Variants in SLC24A2 observed in about 807,000 individuals in gnomAD.
SLC24A2 encodes the protein solute carrier family 24 member 2, also known as sodium/potassium/calcium exchanger 2.
In SLC24A2, 36 loss-of-function variants were observed where a neutral mutation model predicts 62.0. The ratio of observed to expected loss-of-function variants is 0.58; its 90% confidence interval spans 0.44 to 0.77. The LOEUF (loss-of-function observed/expected upper bound fraction) is 0.77. SLC24A2 is among the 30% of genes least tolerant of loss of function. The pLI is 0.00. For synonymous variants in SLC24A2, 358 were observed against 294.0 expected (o/e 1.22, Z -2.23); for missense variants, 846 against 817.9 (o/e 1.03, Z -0.42).
Position 19,576,950 on chromosome 9 carries a change from C to A in SLC24A2, c.1202G>T (p.Arg401Met). ...CACGTGGTTGGCAGCCCCATTCTGC[C>A]TCTCGTTCTCATCCACATGACATTT... ...KKKCHVDENE[R>M]QNGAANHVEK... The change falls in exon 6 of 11, where the codon AGG becomes ATG. Residue 401 changes from arginine to methionine, a missense_variant. Physicochemically the swap from Arg to Met is moderately conservative, Grantham distance 91. Coordinates refer to ENST00000341998, the MANE Select transcript of SLC24A2 (RefSeq NM_020344.4). 6.2e-7 allele frequency: 1 copy of A among 1,614,032 alleles called. No homozygotes were observed. The highest frequency in any genetic ancestry group is 8.5e-7 in the Non-Finnish European group (1 of 1,179,902).
At chr9:20,060,813 G>A in the SLC24A2 span, among the ~76,000 whole-genome samples, 1 of 152,132 alleles carries the variant, frequency 6.6e-6, no homozygotes, top group Non-Finnish European at 1.5e-5. Flanking sequence ...CACACAATGT[G>A]GAGCTACTAT....
the SLC24A2 span, among the ~76,000 whole-genome samples, chr9:19,794,323 G>C: frequency 6.6e-6 from 1 of 152,266 alleles, no homozygotes; most frequent in East Asian, 1.9e-4. Context: ...ACAGGTTATA[G>C]TTATTATCCT....
At chr9:19,728,677 T>C (rs141478017) in intron 2 of SLC24A2, among the ~76,000 whole-genome samples, 47 of 152,328 alleles carry the variant, frequency 3.1e-4, no homozygotes, top group African/African-American at 1.1e-3. Flanking sequence ...ACCAACATTT[T>C]ACATCCAAAA....
intron 9 of SLC24A2, among the ~76,000 whole-genome samples, chr9:19,527,137 A>G (rs1833480436): frequency 6.6e-6 from 1 of 152,162 alleles, no homozygotes; most frequent in Non-Finnish European, 1.5e-5. Context: ...CCTTATTTCA[A>G]ATTTCTATAT....
chr9:19,947,915 G>A, the SLC24A2 span, among the ~76,000 whole-genome samples: 2 of 151,926 alleles, frequency 1.3e-5, no homozygotes, highest in African/African-American at 4.8e-5. Context: ...ATTGTAGAAA[G>A]CCAAAGTTTA....
chr9:20,251,993 G>A, the SLC24A2 span, among the ~76,000 whole-genome samples: 1 of 152,164 alleles, frequency 6.6e-6, no homozygotes, highest in Non-Finnish European at 1.5e-5. Flanking sequence ...TGCTTCACTG[G>A]CCAGGACTTG....
chr9:19,873,552 T>TTCTTTCTTTCTTTCTTTCTC, the SLC24A2 span, among the ~76,000 whole-genome samples: 12 of 149,580 alleles, frequency 8.0e-5, no homozygotes, highest in East Asian at 3.9e-4. Flanking sequence ...CTTTCTTTCT[T>TTCTTTCTTTCTTTCTTTCTC]TCTCTCTCTC....
the SLC24A2 span, among the ~76,000 whole-genome samples, chr9:20,007,895 T>C: frequency 9.0e-6 from 1 of 111,394 alleles, no homozygotes; most frequent in Non-Finnish European, 1.9e-5. Context: ...TTTTTTTTTT[T>C]TTTTTTTTTT....
At chr9:19,646,713 A>G (rs1490697130) in intron 2 of SLC24A2, among the ~76,000 whole-genome samples, 2 of 152,106 alleles carry the variant, frequency 1.3e-5, no homozygotes, top group Non-Finnish European at 2.9e-5. Flanking sequence ...TTCCCACAAT[A>G]TTACTTCCTT....
rs1200395164 is a variant in SLC24A2 at position 19,599,249 on chromosome 9, G to C, written c.1079-1970C>G. On this transcript the variant is annotated intron_variant, in intron 4 of 10. Transcript: ENST00000341998. The surrounding 1 kb of genome is among the most constrained non-coding windows in gnomAD (Gnocchi z 4.5). ...AGTTGGAATTGGAACTGTTCATATC[G>C]GACAAAGCTCACACATTCTCGACAA... Among the ~76,000 whole-genome samples, 1 of 152,000 alleles carries C rather than the reference G, an allele frequency of 6.6e-6. No individual in the cohort carries two copies.
At chr9:19,799,965 A>G in the SLC24A2 span, among the ~76,000 whole-genome samples, 2 of 152,074 alleles carry the variant, frequency 1.3e-5, no homozygotes, top group Non-Finnish European at 2.9e-5. Context: ...AGAATCCTTC[A>G]TTGTCTCTTT....
the SLC24A2 span, among the ~76,000 whole-genome samples, chr9:19,829,925 T>A: frequency 6.6e-6 from 1 of 151,822 alleles, no homozygotes; most frequent in South Asian, 2.1e-4. Context: ...TTTGAGATTT[T>A]ATTTTATTTG....
At chr9:20,166,259 A>T in the SLC24A2 span, among the ~76,000 whole-genome samples, 5 of 152,082 alleles carry the variant, frequency 3.3e-5, no homozygotes, top group East Asian at 9.7e-4. Context: ...AACTCTATAA[A>T]TCTATCTTGA....
At chr9:19,733,256 T>A (rs1027276213) in intron 2 of SLC24A2, among the ~76,000 whole-genome samples, 4 of 152,158 alleles carry the variant, frequency 2.6e-5, no homozygotes, top group Admixed American at 1.3e-4. Context: ...TCGGTATACC[T>A]GTTATTTGTG....
At chr9:19,932,254 G>C in the SLC24A2 span, among the ~76,000 whole-genome samples, 1 of 152,196 alleles carries the variant, frequency 6.6e-6, no homozygotes, top group African/African-American at 2.4e-5. Context: ...AGAGTGTGTT[G>C]GGTAGAGATG....
chr9:19,964,920 C>A, the SLC24A2 span, among the ~76,000 whole-genome samples: 5 of 152,092 alleles, frequency 3.3e-5, no homozygotes, highest in African/African-American at 1.2e-4. Flanking sequence ...AGACGGGACA[C>A]GGTCCTTTTT....
intron 5 of SLC24A2, among the ~76,000 whole-genome samples, chr9:19,577,877 CAT>C (rs919183646): frequency 6.7e-6 from 1 of 148,686 alleles, no homozygotes; most frequent in East Asian, 1.9e-4. Flanking sequence ...AATATTCCAA[CAT>C]ATATATATGA....
chr9:19,521,347 A>G (rs1833189742), intron 9 of SLC24A2, among the ~76,000 whole-genome samples: 1 of 152,212 alleles, frequency 6.6e-6, no homozygotes. Context: ...TCTAAGATTG[A>G]GTCAGGGAAG....
At chr9:20,093,381 G>A in the SLC24A2 span, among the ~76,000 whole-genome samples, 2 of 151,922 alleles carry the variant, frequency 1.3e-5, no homozygotes, top group Admixed American at 1.3e-4. Context: ...CTATTTTCAG[G>A]TTTTTGGGTA....
Sources: allele counts gnomAD v4.1 joint callset (sites outside exome capture counted in the v4.1 genomes callset), GRCh38; gene constraint gnomAD v4.1.1; non-coding constraint Gnocchi (gnomAD v3.1); transcripts MANE v1.5; gene names NCBI Gene and HGNC (gene_info 2026-07-23, HGNC 2026-07-21).